Variants in TMEM132D observed in about 807,000 individuals in gnomAD.
The protein encoded by TMEM132D is transmembrane protein 132D, also known as mature OL transmembrane protein.
In TMEM132D, 21 loss-of-function variants were observed where a neutral mutation model predicts 62.3. The ratio of observed to expected loss-of-function variants is 0.34; its 90% CI spans 0.24 to 0.49. The LOEUF (loss-of-function observed/expected upper bound fraction) is 0.49. Among genes scored for constraint, TMEM132D ranks in the 20% least tolerant of loss-of-function variants. The pLI is 0.99. For missense variants in TMEM132D, 1,346 were observed against 1,402.8 expected (o/e 0.96, Z 0.65); for synonymous variants, 621 against 575.6 (o/e 1.08, Z -1.13).
chr12:129,337,663 C>T lies in TMEM132D; in HGVS notation c.1270G>A (p.Asp424Asn), dbSNP rs1593342338. The T allele has an allele frequency of 6.2e-7, 1 of 1,614,134 alleles. No individual in the cohort carries two copies. Among genetic ancestry groups the T allele is most frequent in the Non-Finnish European group, 8.5e-7 (1 of 1,180,006 alleles). Residue 424 changes from aspartate (D) to asparagine (N), a missense_variant, in exon 4 of 9, where the codon GAC becomes AAC. Physicochemically the swap from Asp to Asn is conservative, Grantham distance 23. Transcript: ENST00000422113. Reference sequence around the variant, plus strand: ...GCCAGCGGCACAACTCCAATCAAGTCCTTTGGGCTCACATAGATCTTGGAC... The same window carrying T: ...GCCAGCGGCACAACTCCAATCAAGTTCTTTGGGCTCACATAGATCTTGGAC... ...GVSKIYVSPK[D>N]LIGVVPLAME...
intron 5 of TMEM132D, among the ~76,000 whole-genome samples, chr12:129,106,835 G>A (rs138058264): frequency 2.6e-5 from 4 of 152,310 alleles, no homozygotes; most frequent in African/African-American, 9.6e-5. Flanking sequence ...GGCCCATGAT[G>A]TAGGTGCCTC....
intron 4 of TMEM132D, among the ~76,000 whole-genome samples, chr12:129,280,711 T>C (rs979525642): frequency 6.6e-6 from 1 of 152,224 alleles, no homozygotes; most frequent in African/African-American, 2.4e-5. Flanking sequence ...ACCTATCATC[T>C]ATCAATCATC....
chr12:129,683,796 C>T (rs1339182391), intron 2 of TMEM132D, among the ~76,000 whole-genome samples: 2 of 152,334 alleles, frequency 1.3e-5, no homozygotes, highest in East Asian at 1.9e-4. Flanking sequence ...ACCAAACACA[C>T]ATCTATCCTT....
chr12:129,398,105 C>T (rs1288470970), intron 3 of TMEM132D, among the ~76,000 whole-genome samples: 2 of 152,202 alleles, frequency 1.3e-5, no homozygotes, highest in Non-Finnish European at 1.5e-5. Flanking sequence ...ACAGGAGACA[C>T]GTTTGTGGGC....
At chr12:129,353,559 T>G (rs577781545) in intron 3 of TMEM132D, among the ~76,000 whole-genome samples, 9 of 152,130 alleles carry the variant, frequency 5.9e-5, no homozygotes, top group African/African-American at 2.2e-4. Flanking sequence ...GGGGGCTCCA[T>G]GGAGAAGGCA....
Position 129,614,880 on chromosome 12 carries a change from C to G in TMEM132D, c.969-83675G>C, listed in dbSNP as rs531073575. On this transcript the variant is annotated intron_variant, in intron 2 of 8. Transcript: ENST00000422113. ...GCCATGTCTAGTTAATTTTAATGTG[C>G]AGGGCAAACTAAATACCTCTCTTTG... 6.6e-5 allele frequency among the ~76,000 whole-genome samples: 10 copies of G among 152,284 alleles called. No individual in the cohort carries two copies. The East Asian group carries it at 1.3e-3, about 21-fold the overall frequency.
intron 4 of TMEM132D, among the ~76,000 whole-genome samples, chr12:129,312,526 C>T (rs180994857): frequency 6.6e-6 from 1 of 152,218 alleles, no homozygotes; most frequent in African/African-American, 2.4e-5. Flanking sequence ...TGTACACCTG[C>T]TGTATATTAA....
intron 4 of TMEM132D, among the ~76,000 whole-genome samples, chr12:129,321,712 C>G (rs1170159948): frequency 6.6e-6 from 1 of 152,008 alleles, no homozygotes; most frequent in Non-Finnish European, 1.5e-5. Flanking sequence ...GCGCCCGCCA[C>G]CACGCCCAGC....
chr12:129,437,621 T>C (rs1228656705), intron 3 of TMEM132D, among the ~76,000 whole-genome samples: 1 of 152,186 alleles, frequency 6.6e-6, no homozygotes, highest in Non-Finnish European at 1.5e-5. Flanking sequence ...TGAACTGGCA[T>C]AACCACTTTG....
intron 2 of TMEM132D, among the ~76,000 whole-genome samples, chr12:129,626,407 T>G (rs1173273660): frequency 6.6e-6 from 1 of 152,208 alleles, no homozygotes; most frequent in African/African-American, 2.4e-5. Context: ...AACAGGCTTG[T>G]GTGTACAGTA....
At chr12:129,834,904 A>T (rs1872956103) in intron 1 of TMEM132D, among the ~76,000 whole-genome samples, 1 of 152,218 alleles carries the variant, frequency 6.6e-6, no homozygotes, top group Non-Finnish European at 1.5e-5. Context: ...ACTGATAAAG[A>T]TGGTAAATGG....
chr12:129,663,179 C>T (rs1019339081), intron 2 of TMEM132D, among the ~76,000 whole-genome samples: 1 of 152,140 alleles, frequency 6.6e-6, no homozygotes, highest in Non-Finnish European at 1.5e-5. Context: ...CACTCATTAC[C>T]CAGGCTAGAG....
At chr12:129,126,360 T>C (rs895232872) in intron 5 of TMEM132D, among the ~76,000 whole-genome samples, 2 of 149,506 alleles carry the variant, frequency 1.3e-5, no homozygotes, top group African/African-American at 4.9e-5. Flanking sequence ...TTCTCTCTCT[T>C]TTTTTTTTTT....
intron 5 of TMEM132D, among the ~76,000 whole-genome samples, chr12:129,185,239 CA>C (rs1429794807): frequency 2.0e-5 from 3 of 152,114 alleles, no homozygotes; most frequent in Non-Finnish European, 2.9e-5. Flanking sequence ...AGGACCCTGG[CA>C]TTCCAAAACA....
At chr12:129,739,515 T>G (rs1282749869) in intron 1 of TMEM132D, among the ~76,000 whole-genome samples, 1 of 152,196 alleles carries the variant, frequency 6.6e-6, no homozygotes, top group East Asian at 1.9e-4. Flanking sequence ...AATAACCCTC[T>G]TCTGGGGACA....
At chr12:129,817,388 G>A (rs1056086894) in intron 1 of TMEM132D, among the ~76,000 whole-genome samples, 3 of 152,092 alleles carry the variant, frequency 2.0e-5, no homozygotes, top group African/African-American at 7.2e-5. Flanking sequence ...GTAACAAGAA[G>A]TTCACACACT....
chr12:129,605,600 T>TACACAC (rs1171672723), intron 2 of TMEM132D, among the ~76,000 whole-genome samples: 1 of 60,754 alleles, frequency 1.6e-5, no homozygotes, highest in Non-Finnish European at 3.7e-5. Context: ...TATATATATA[T>TACACAC]ATATACACAC....
At chr12:129,352,986 A>G (rs1215530049) in intron 3 of TMEM132D, among the ~76,000 whole-genome samples, 1 of 152,154 alleles carries the variant, frequency 6.6e-6, no homozygotes, top group Non-Finnish European at 1.5e-5. Flanking sequence ...TGCACTGTGC[A>G]CTTGCCCTGA....
chr12:129,479,025 C>T (rs1478296956), intron 3 of TMEM132D, among the ~76,000 whole-genome samples: 3 of 152,168 alleles, frequency 2.0e-5, no homozygotes, highest in African/African-American at 7.2e-5. Context: ...TTACGTTCTG[C>T]GTGGACTTCT....
Sources: gnomAD v4.1 joint callset for allele counts (sites outside exome capture counted in the v4.1 genomes callset) on GRCh38, gnomAD v4.1.1 for gene constraint, MANE v1.5 for transcripts, NCBI Gene and HGNC (gene_info 2026-07-23, HGNC 2026-07-21) for gene names.